DENND5A: variants seen among roughly 807,000 people sequenced by gnomAD.
The protein encoded by DENND5A is DENN domain-containing protein 5A.
A neutral mutation model predicts 140.3 loss-of-function variants in DENND5A; 64 were observed. The ratio of observed to expected loss-of-function variants is 0.46; its 90% confidence interval spans 0.37 to 0.56. The LOEUF (loss-of-function observed/expected upper bound fraction) is 0.56, where lower values mean the gene tolerates loss of function less well. DENND5A is among the 20% of genes least tolerant of loss of function. The pLI is 0.00. For missense variants in DENND5A, 1,292 were observed against 1,593.8 expected (o/e 0.81, Z 3.22); for synonymous variants, 605 against 607.7 (o/e 1.00, Z 0.07).
chr11:9,147,181 C>T (rs745873665), intron 15 of DENND5A, 30 bp from the exon 16 acceptor site: 39 of 1,608,612 alleles, frequency 2.4e-5, no homozygotes, highest in Admixed American at 5.1e-5. Flanking sequence ...ACATCAGTCT[C>T]CGACCAAAAG....
chr11:9,230,761 G>T (rs1341395668), intron 1 of DENND5A, among the ~76,000 whole-genome samples: 1 of 152,150 alleles, frequency 6.6e-6, no homozygotes, highest in Non-Finnish European at 1.5e-5. Context: ...GGGAGGCCAA[G>T]GCGGGTAGAT....
At chr11:9,227,429 A>C (rs1850577804) in intron 1 of DENND5A, among the ~76,000 whole-genome samples, 1 of 152,190 alleles carries the variant, frequency 6.6e-6, no homozygotes, top group Admixed American at 6.5e-5. Context: ...TAACTCCTGG[A>C]ACGCATGAGC....
intron 1 of DENND5A, among the ~76,000 whole-genome samples, chr11:9,247,932 T>A (rs565849567): frequency 1.3e-5 from 2 of 152,328 alleles, no homozygotes; most frequent in South Asian, 4.1e-4. Flanking sequence ...CTTCAGGGTC[T>A]GCTATGTGTC....
intron 12 of DENND5A, among the ~76,000 whole-genome samples, chr11:9,155,438 G>A (rs939882999): frequency 2.0e-5 from 3 of 152,216 alleles, no homozygotes; most frequent in Non-Finnish European, 4.4e-5. Context: ...CACTATACCA[G>A]AAGAAGGAAG....
chr11:9,150,899 T>C, intron 13 of DENND5A, 135 bp from the exon 14 acceptor site: 2 of 481,426 alleles, frequency 4.2e-6, no homozygotes, highest in Non-Finnish European at 7.4e-6. Context: ...GATTGTTTCA[T>C]AAATATTTAT....
chr11:9,253,456 C>T (rs184766421), intron 1 of DENND5A, among the ~76,000 whole-genome samples: 14 of 152,170 alleles, frequency 9.2e-5, no homozygotes, highest in Admixed American at 7.2e-4. Context: ...AGTCAAATAG[C>T]GTTCTCTTTA....
chr11:9,173,463 T>C (rs539327409), intron 8 of DENND5A, among the ~76,000 whole-genome samples: 5 of 152,288 alleles, frequency 3.3e-5, no homozygotes, highest in African/African-American at 1.2e-4. Flanking sequence ...AAAAGTAAAA[T>C]AGATGACAAT....
At chr11:9,207,100 C>CT (rs919014836) in intron 2 of DENND5A, 2,720 of 399,810 alleles carry the variant, frequency 6.8e-3, no homozygotes, top group South Asian at 9.0e-3. Flanking sequence ...TTGTATCTAT[C>CT]TTTTTTTTTT....
intron 5 of DENND5A, among the ~76,000 whole-genome samples, chr11:9,184,357 GAA>G (rs554550679): frequency 7.3e-6 from 1 of 136,496 alleles, no homozygotes; most frequent in Non-Finnish European, 1.6e-5. Context: ...CGTCTCAAAA[GAA>G]AAAAAAAAAA....
chr11:9,164,770 T>C (rs1224293238), intron 11 of DENND5A, among the ~76,000 whole-genome samples: 1 of 152,086 alleles, frequency 6.6e-6, no homozygotes, highest in Non-Finnish European at 1.5e-5. Context: ...GGAAAAAATA[T>C]CTGCAAATAC....
chr11:9,247,836 C>G (rs1297034376), intron 1 of DENND5A, among the ~76,000 whole-genome samples: 1 of 152,180 alleles, frequency 6.6e-6, no homozygotes, highest in East Asian at 1.9e-4. Flanking sequence ...TCTACAGACT[C>G]AAATTTCCCC....
At chr11:9,156,305 G>C (rs1340504948) in intron 12 of DENND5A, among the ~76,000 whole-genome samples, 1 of 152,074 alleles carries the variant, frequency 6.6e-6, no homozygotes, top group Non-Finnish European at 1.5e-5. Context: ...CCAAAAGCCA[G>C]GACTCAGAAC....
intron 16 of DENND5A, 106 bp downstream of exon 16, chr11:9,146,924 T>C (rs1460770606): frequency 3.0e-6 from 4 of 1,335,194 alleles, no homozygotes; most frequent in Admixed American, 1.9e-5. Flanking sequence ...AAATAGAAAG[T>C]ACAAGGGATA....
chr11:9,192,180 A>G (rs187715866), intron 5 of DENND5A, among the ~76,000 whole-genome samples: 48 of 152,340 alleles, frequency 3.2e-4, no homozygotes, highest in African/African-American at 1.1e-3. Context: ...GCATTTGACT[A>G]TAATTTAAAT....
chr11:9,214,012 C>A (rs1158784185), intron 1 of DENND5A, among the ~76,000 whole-genome samples: 1 of 152,096 alleles, frequency 6.6e-6, no homozygotes, highest in Non-Finnish European at 1.5e-5. Flanking sequence ...ATATGCTATC[C>A]TTTGCATATT....
chr11:9,175,770 A>G (rs1483498628), intron 8 of DENND5A: 4 of 152,176 alleles, frequency 2.6e-5, no homozygotes, highest in Non-Finnish European at 5.9e-5. Context: ...GAATATCTAT[A>G]TGAAAAAAAA....
chr11:9,199,255 T>C (rs751950474), intron 4 of DENND5A, among the ~76,000 whole-genome samples: 2 of 151,984 alleles, frequency 1.3e-5, no homozygotes, highest in African/African-American at 2.4e-5. Flanking sequence ...CCCAGCACTT[T>C]GGGAGGCCAA....
intron 1 of DENND5A, among the ~76,000 whole-genome samples, chr11:9,261,451 A>G (rs1177004906): frequency 6.6e-6 from 1 of 152,150 alleles, no homozygotes; most frequent in African/African-American, 2.4e-5. Context: ...GACTCTCAGG[A>G]AGAACCTGCT....
intron 1 of DENND5A, among the ~76,000 whole-genome samples, chr11:9,243,105 C>A (rs12417811): frequency 0.52 from 58,368 of 111,374 alleles, 14,507 homozygotes; most frequent in South Asian, 0.62. Flanking sequence ...AAAAAAAAAA[C>A]AAAAAAAAAA....
Sources: gnomAD v4.1 joint callset for allele counts (sites outside exome capture counted in the v4.1 genomes callset) on GRCh38, gnomAD v4.1.1 for gene constraint, MANE v1.5 for transcripts, NCBI Gene and HGNC (gene_info 2026-07-23, HGNC 2026-07-21) for gene names.